The following MTHFD2 variants were observed in gnomAD, a reference collection of about 807,000 sequenced individuals.
The protein encoded by MTHFD2 is bifunctional methylenetetrahydrofolate dehydrogenase/cyclohydrolase, mitochondrial.
Under a neutral mutation model 36.8 loss-of-function variants are expected in MTHFD2, and 26 were observed. The observed-to-expected ratio is 0.71, with a 90% CI of 0.52 to 0.98. MTHFD2 has a LOEUF of 0.98. Among genes scored for constraint, MTHFD2 ranks in the 50% least tolerant of loss-of-function variants. The pLI is 0.00. For synonymous variants in MTHFD2, 164 were observed against 155.2 expected, an observed-to-expected ratio of 1.06 and a Z score of -0.42; for missense variants, 373 against 434.0, an observed-to-expected ratio of 0.86 and a Z score of 1.25.
chr2:74,214,224 T>C lies in MTHFD2; in HGVS notation c.1035T>C (p.Leu345=), dbSNP rs1694379670. ...EEREVLKSKE[L]GVATN is the part of the protein sequence containing the mutation. ...GAGAAGTGCTGAAGTCTAAAGAGCT[T>C]GGGGTAGCCACTAATTAACTACTGT... Residue 345 remains leucine, a synonymous_variant, in exon 8 of 8, where the codon CTT becomes CTC. Transcript: ENST00000394053. 4 of 1,613,798 alleles carry C rather than the reference T, an allele frequency of 2.5e-6. No homozygotes were observed. Among genetic ancestry groups the C allele is most frequent in the Non-Finnish European group, 3.4e-6 (4 of 1,179,892 alleles).
chr2:74,202,432 C>T (rs142005887), intron 1 of MTHFD2, among the ~76,000 whole-genome samples: 113 of 152,138 alleles, frequency 7.4e-4, no homozygotes, highest in Middle Eastern at 3.4e-3. Flanking sequence ...TTTTGGCCTG[C>T]GGTGGGCATT....
chr2:74,211,586 A>G lies in MTHFD2; in HGVS notation c.764-155A>G, dbSNP rs886346684. 7.1e-6 allele frequency: 5 copies of G among 708,896 alleles called. No individual in the cohort carries two copies. In the Admixed American group the frequency reaches 1.9e-4, roughly 27 times the overall value. 43.9% of individuals were successfully genotyped at this position (708,896 alleles called of 1,614,324 possible). ...TGTCAGGAGCCAAAATAAAAAAATA[A>G]TAAAAGTAAATAGTTCCTTAGTTAA... On this transcript the variant is annotated intron_variant, in intron 6 of 7. Transcript: ENST00000394053.
Position 74,215,200 on chromosome 2 carries a change from GTT to G in MTHFD2, c.*960_*961del, listed in dbSNP as rs1239803626. The G allele has an allele frequency of 6.6e-6, 1 of 152,564 alleles. No individual in the cohort carries two copies. Among genetic ancestry groups the G allele is most frequent in the African/African-American group, 2.4e-5 (1 of 41,448 alleles). 9.5% of individuals were successfully genotyped at this position (152,564 alleles called of 1,614,324 possible). A position where few individuals can be genotyped will look rare whatever the true frequency, so the allele number is the denominator to read the frequency against. On this transcript the variant is annotated 3_prime_UTR_variant, in exon 8 of 8. Coordinates refer to ENST00000394053, the MANE Select transcript of MTHFD2 (RefSeq NM_006636.4). Reference sequence around the variant, plus strand: ...TGACTTTTCCAGAAATTTTTTAAGAGTTTGAGTTACTATTGAATTTAATCAGA... The same window carrying G: ...TGACTTTTCCAGAAATTTTTTAAGAGTGAGTTACTATTGAATTTAATCAGA...
intron 5 of MTHFD2, 69 bp from the exon 6 acceptor site, chr2:74,211,130 G>C (rs1439429003): frequency 1.0e-6 from 1 of 978,448 alleles, no homozygotes; most frequent in East Asian, 2.5e-5. Context: ...ACAATGACTT[G>C]ACTAGTTGAG....
chr2:74,199,220 A>C (rs1440175596), intron 1 of MTHFD2, among the ~76,000 whole-genome samples: 1 of 152,088 alleles, frequency 6.6e-6, no homozygotes, highest in African/African-American at 2.4e-5. Context: ...AGCTGATGAA[A>C]TCGCGGAGCC....
chr2:74,209,233 ATTTTTC>A (rs999094747), intron 4 of MTHFD2, among the ~76,000 whole-genome samples: 1 of 148,106 alleles, frequency 6.8e-6, no homozygotes, highest in Non-Finnish European at 1.5e-5. Context: ...GAAATTTTCT[ATTTTTC>A]TTTTTCTTTT....
chr2:74,199,245 C>A (rs1460032245), intron 1 of MTHFD2, among the ~76,000 whole-genome samples: 1 of 152,134 alleles, frequency 6.6e-6, no homozygotes, highest in Non-Finnish European at 1.5e-5. Context: ...TGCTCGGGGT[C>A]CCCGCGCCGC....
chr2:74,199,673 C>A (rs140150731), intron 1 of MTHFD2, among the ~76,000 whole-genome samples: 15 of 148,588 alleles, frequency 1.0e-4, no homozygotes, highest in African/African-American at 3.7e-4. Context: ...GCACCACTGC[C>A]CTCCAGTCTG....
intron 1 of MTHFD2, among the ~76,000 whole-genome samples, chr2:74,200,355 C>T (rs1654901412): frequency 6.6e-6 from 1 of 152,210 alleles, no homozygotes; most frequent in Admixed American, 6.5e-5. Flanking sequence ...TTTTCACTAC[C>T]TTTCTGAAAG....
chr2:74,204,561 T>G (rs1230947201), intron 1 of MTHFD2, among the ~76,000 whole-genome samples: 3 of 152,242 alleles, frequency 2.0e-5, no homozygotes. Context: ...CAACTAACTC[T>G]CACTGCTCTG....
At chr2:74,210,070 G>T in intron 5 of MTHFD2, 21 bp downstream of exon 5, 1 of 1,593,688 alleles carries the variant, frequency 6.3e-7, no homozygotes, top group South Asian at 1.1e-5. Flanking sequence ...TGCTTTCAGG[G>T]AACACTGTCC....
Position 74,208,730 on chromosome 2 carries a change from A to G in MTHFD2, c.562+9A>G. 6.2e-7 allele frequency: 1 copy of G among 1,613,118 alleles called. No homozygotes were observed. Among genetic ancestry groups the G allele is most frequent in the East Asian group, 2.2e-5 (1 of 44,860 alleles). On this transcript the variant is annotated intron_variant, in intron 4 of 7. Transcript: ENST00000394053. ...AATAATCAAGCGAACTGGTAGGTAT[A>G]TCCCAGAATTGCATGTCTGTGTTAA...
chr2:74,213,577 A>C (rs1409642633), intron 7 of MTHFD2, among the ~76,000 whole-genome samples: 1 of 151,962 alleles, frequency 6.6e-6, no homozygotes, highest in East Asian at 1.9e-4. Context: ...GGCATGAACC[A>C]CTGTACCCGG....
intron 1 of MTHFD2, among the ~76,000 whole-genome samples, chr2:74,201,697 C>G (rs1009889311): frequency 6.6e-6 from 1 of 152,202 alleles, no homozygotes; most frequent in Admixed American, 6.5e-5. Flanking sequence ...TAAATGTTAG[C>G]TAATATAGTT....
chr2:74,205,463 C>A (rs890276025), intron 1 of MTHFD2, among the ~76,000 whole-genome samples: 8 of 152,056 alleles, frequency 5.3e-5, no homozygotes, highest in African/African-American at 1.7e-4. Context: ...ATAATGATTT[C>A]TATCAACTTT....
rs1343915296 is a variant in MTHFD2, at chr2:74,198,734, G to T, written c.93G>T (p.Ala31=). ...TTCGCCTTCGCCCTTTCCACCTCGC[G>T]GCAGTTCGGTAAGAGGGTCACAGAG... ...CSLRLRPFHL[A]AVRNEAVVIS... The change falls in exon 1 of 8, where the codon GCG becomes GCT. Residue 31 remains alanine, a synonymous_variant. Transcript: ENST00000394053. The T allele has an allele frequency of 6.2e-7, 1 of 1,608,806 alleles. No individual in the cohort carries two copies. The highest frequency in any genetic ancestry group is 8.5e-7 in the Non-Finnish European group (1 of 1,178,138).
chr2:74,205,334 C>T (rs1694152240), intron 1 of MTHFD2, among the ~76,000 whole-genome samples: 1 of 152,090 alleles, frequency 6.6e-6, no homozygotes, highest in Non-Finnish European at 1.5e-5. Context: ...AACTGTAAAA[C>T]ACTTAGTAAT....
In MTHFD2 at chr2:74,207,736, T is replaced by C; in HGVS notation, c.319T>C (p.Ser107Pro). The stretch of plus-strand genomic sequence containing the variant: ...CAGTGAGACAATTATGAAACCAGCT[T>C]CAATTTCAGAGGAAGAATTGTTGAA... ...INSETIMKPA[S>P]ISEEELLNLI... is the part of the protein sequence containing the mutation. Residue 107 changes from serine (S) to proline (P), a missense_variant, in exon 3 of 8, where the codon TCA becomes CCA. Around this residue, in one of 2 missense-constraint regions of MTHFD2, gnomAD observed 308 missense variants for 397.8 expected, o/e 0.77. Coordinates refer to ENST00000394053, the MANE Select transcript of MTHFD2 (RefSeq NM_006636.4). 6.2e-7 allele frequency: 1 copy of C among 1,608,026 alleles called. No homozygotes were observed. The highest frequency in any genetic ancestry group is 8.5e-7 in the Non-Finnish European group (1 of 1,174,992).
chr2:74,201,111 C>T (rs566312042), intron 1 of MTHFD2, among the ~76,000 whole-genome samples: 2 of 152,214 alleles, frequency 1.3e-5, no homozygotes, highest in African/African-American at 4.8e-5. Context: ...CCTCAGCCTC[C>T]CAAACAGCTG....
Sources: gnomAD v4.1 joint callset for allele counts (sites outside exome capture counted in the v4.1 genomes callset) on GRCh38, gnomAD v4.1.1 for gene constraint, gnomAD v4.1.1 regional missense constraint, MANE v1.5 for transcripts, NCBI Gene and HGNC (gene_info 2026-07-23, HGNC 2026-07-21) for gene names.